ELAVL2: variants seen among roughly 807,000 people sequenced by gnomAD.
The protein encoded by ELAVL2 is ELAV like RNA binding protein 2.
Under a neutral mutation model 34.6 loss-of-function variants are expected in ELAVL2, and 4 were observed. That is an observed-to-expected ratio of 0.12 (90% CI 0.06 to 0.26). ELAVL2 has a LOEUF of 0.26. Among genes scored for constraint, ELAVL2 ranks in the 10% least tolerant of loss-of-function variants. ELAVL2 has a pLI of 1.00. For missense variants in ELAVL2, 432 were observed against 442.8 expected, an observed-to-expected ratio of 0.98 and a Z score of 0.22; for synonymous variants, 193 against 154.8, an observed-to-expected ratio of 1.25 and a Z score of -1.83.
intron 1 of ELAVL2, among the ~76,000 whole-genome samples, chr9:23,778,987 T>C (rs1288364392): frequency 6.6e-6 from 1 of 152,126 alleles, no homozygotes; most frequent in Non-Finnish European, 1.5e-5. Flanking sequence ...TCAAACCTAA[T>C]CAAATATTTT....
intron 1 of ELAVL2, among the ~76,000 whole-genome samples, chr9:23,766,041 TA>T (rs1208573773): frequency 1.3e-5 from 2 of 152,168 alleles, no homozygotes; most frequent in Non-Finnish European, 2.9e-5. Flanking sequence ...ACTTAGTTTC[TA>T]AAAATAGACA....
chr9:23,750,377 C>A (rs1193073119), intron 2 of ELAVL2, among the ~76,000 whole-genome samples: 1 of 151,902 alleles, frequency 6.6e-6, no homozygotes, highest in Admixed American at 6.6e-5. Context: ...TATTTTAATC[C>A]TATTCCAATA....
intron 5 of ELAVL2, among the ~76,000 whole-genome samples, chr9:23,699,014 G>T (rs2036233502): frequency 6.6e-6 from 1 of 152,156 alleles, no homozygotes. Flanking sequence ...CTGAAACCAA[G>T]TTTCCCTTAC....
intron 1 of ELAVL2, among the ~76,000 whole-genome samples, chr9:23,805,753 G>T (rs1419938317): frequency 1.3e-5 from 2 of 152,296 alleles, no homozygotes; most frequent in East Asian, 1.9e-4. Context: ...GCCGAAGAGG[G>T]TTCCACATGG....
intron 1 of ELAVL2, among the ~76,000 whole-genome samples, chr9:23,811,505 A>G (rs1397310288): frequency 1.2e-4 from 19 of 152,240 alleles, no homozygotes; most frequent in Admixed American, 1.2e-3. Context: ...GAGAAGGCAT[A>G]GATCAATGCT....
chr9:23,766,545 T>C (rs1033740094), intron 1 of ELAVL2, among the ~76,000 whole-genome samples: 1 of 141,954 alleles, frequency 7.0e-6, no homozygotes, highest in Non-Finnish European at 1.5e-5. Context: ...TGGACACTAA[T>C]GAGCTAATCT....
the ELAVL2 span, among the ~76,000 whole-genome samples, chr9:23,850,482 C>A: frequency 1.3e-5 from 2 of 152,078 alleles, no homozygotes; most frequent in South Asian, 2.1e-4. Context: ...CTTGCCGTCT[C>A]GTTCCTGCCT....
At chr9:23,769,522 T>G (rs2056926550) in intron 1 of ELAVL2, among the ~76,000 whole-genome samples, 1 of 152,308 alleles carries the variant, frequency 6.6e-6, no homozygotes, top group East Asian at 1.9e-4. Context: ...GAACAAGCCA[T>G]TAGTTTGTTT....
At chr9:23,822,837 G>A (rs569326980) in intron 1 of ELAVL2, among the ~76,000 whole-genome samples, 27 of 152,234 alleles carry the variant, frequency 1.8e-4, no homozygotes, top group Admixed American at 4.6e-4. Flanking sequence ...CGTGACCGAG[G>A]TTACAGCTTC....
At chr9:23,780,069 AG>A (rs1171769251) in intron 1 of ELAVL2, among the ~76,000 whole-genome samples, 1 of 146,970 alleles carries the variant, frequency 6.8e-6, no homozygotes, top group East Asian at 2.0e-4. Flanking sequence ...TCTATTGCAA[AG>A]TAAAGTATGG....
At chr9:23,744,184 C>T (rs1364080334) in intron 2 of ELAVL2, among the ~76,000 whole-genome samples, 1 of 152,148 alleles carries the variant, frequency 6.6e-6, no homozygotes, top group Non-Finnish European at 1.5e-5. Context: ...TGCTCGCCCC[C>T]ACCTATTATT....
chr9:23,707,217 T>A (rs2039610706), intron 3 of ELAVL2, among the ~76,000 whole-genome samples: 2 of 152,362 alleles, frequency 1.3e-5, no homozygotes, highest in Non-Finnish European at 2.9e-5. Context: ...TGGAATCAAA[T>A]CTTGGGATTG....
At chr9:23,705,570 C>T (rs1275893718) in intron 3 of ELAVL2, among the ~76,000 whole-genome samples, 1 of 152,200 alleles carries the variant, frequency 6.6e-6, no homozygotes, top group East Asian at 1.9e-4. Flanking sequence ...GAGCAGTGGT[C>T]CCCAACCTTT....
chr9:23,726,456 A>G (rs1554687601), intron 3 of ELAVL2, among the ~76,000 whole-genome samples: 1 of 151,684 alleles, frequency 6.6e-6, no homozygotes, highest in Non-Finnish European at 1.5e-5. Flanking sequence ...TCTAGACAGA[A>G]TTTTTTTTTC....
At chr9:23,771,761 A>G (rs2057345829) in intron 1 of ELAVL2, among the ~76,000 whole-genome samples, 1 of 152,236 alleles carries the variant, frequency 6.6e-6, no homozygotes, top group Non-Finnish European at 1.5e-5. Flanking sequence ...AAGTGGATGA[A>G]GATTAGATTA....
At position 23,694,124 on chromosome 9, in the gene ELAVL2, T is replaced by C. The variant is rs114957051; in HGVS notation, c.714-638A>G. Among the ~76,000 whole-genome samples the C allele has an allele frequency of 6.4e-3, 967 of 152,096 alleles. 11 individuals are homozygous for C. Among genetic ancestry groups the C allele is most frequent in the African/African-American group, 0.022 (929 of 41,480 alleles). On this transcript the variant is annotated intron_variant, in intron 5 of 6. Transcript: ENST00000397312. ...GGTCTAGAGAAGGAAAAAAGAAAAA[T>C]CCATCACTCCAGTGTGCAACAAAGC...
At chr9:23,830,477 G>A (rs1188221448), upstream of ELAVL2, among the ~76,000 whole-genome samples, 2 of 152,006 alleles carry the variant, frequency 1.3e-5, no homozygotes, top group Admixed American at 6.6e-5. Flanking sequence ...GAATCCTGAG[G>A]TTGCTGTTTA....
intron 2 of ELAVL2, among the ~76,000 whole-genome samples, chr9:23,759,226 AC>A (rs2054289353): frequency 6.6e-6 from 1 of 152,110 alleles, no homozygotes; most frequent in Non-Finnish European, 1.5e-5. Context: ...AAAATGAAAT[AC>A]CATTCAGCCA....
chr9:23,778,924 A>G (rs2058650081), intron 1 of ELAVL2, among the ~76,000 whole-genome samples: 1 of 152,230 alleles, frequency 6.6e-6, no homozygotes, highest in African/African-American at 2.4e-5. Context: ...TCCTGTCCAC[A>G]AAGAATTAGG....
Sources: gnomAD v4.1 joint callset for allele counts (sites outside exome capture counted in the v4.1 genomes callset) on GRCh38, gnomAD v4.1.1 for gene constraint, MANE v1.5 for transcripts, NCBI Gene and HGNC (gene_info 2026-07-23, HGNC 2026-07-21) for gene names.